The following PFKFB3 variants were observed in gnomAD, a reference collection of about 807,000 sequenced individuals.
The protein encoded by PFKFB3 is 6-phosphofructo-2-kinase/fructose-2,6-bisphosphatase 3.
A neutral mutation model predicts 68.0 loss-of-function variants in PFKFB3; 33 were observed. The observed-to-expected ratio is 0.49, with a 90% confidence interval of 0.37 to 0.65. The LOEUF is 0.65. Ranked by LOEUF, PFKFB3 falls within the 30% of genes least tolerant of loss-of-function variation. PFKFB3 has a pLI of 0.00. For missense variants in PFKFB3, 586 were observed against 712.2 expected, an observed-to-expected ratio of 0.82 and a Z score of 2.02; for synonymous variants, 315 against 288.2, an observed-to-expected ratio of 1.09 and a Z score of -0.94.
intron 1 of PFKFB3, among the ~76,000 whole-genome samples, chr10:6,166,737 A>G (rs1264058976): frequency 6.6e-6 from 1 of 151,970 alleles, no homozygotes; most frequent in Non-Finnish European, 1.5e-5. Flanking sequence ...TGCTAGAAGA[A>G]TAATCATGAC....
At chr10:6,161,115 T>G (rs1358687402) in intron 1 of PFKFB3, among the ~76,000 whole-genome samples, 3 of 152,114 alleles carry the variant, frequency 2.0e-5, no homozygotes, top group Non-Finnish European at 4.4e-5. Flanking sequence ...TTTGTATTTT[T>G]AGTAGAGACG....
At chr10:6,317,638 G>A in the PFKFB3 span, among the ~76,000 whole-genome samples, 1 of 152,178 alleles carries the variant, frequency 6.6e-6, no homozygotes, top group Non-Finnish European at 1.5e-5. Context: ...AGCAGGAAAA[G>A]GGGCATTTCA....
In PFKFB3 at chr10:6,234,248, T is replaced by C. The variant is rs1040065094; in HGVS notation, c.*1306T>C. 1 of 152,362 alleles carries C rather than the reference T, an allele frequency of 6.6e-6. No homozygotes were observed. The highest frequency in any genetic ancestry group is 2.4e-5 in the African/African-American group (1 of 41,448). 9.4% of individuals were successfully genotyped at this position (152,362 alleles called of 1,614,324 possible). On this transcript the variant is annotated 3_prime_UTR_variant, in exon 15 of 15. Coordinates refer to ENST00000379775, the MANE Select transcript of PFKFB3 (RefSeq NM_004566.4). Reference sequence around the variant, plus strand: ...ACCCTTTTCAGGATGTCTCAAAGCTTGTGCCAAAGGTCACTTTTCTTTCCT... The same window carrying C: ...ACCCTTTTCAGGATGTCTCAAAGCTCGTGCCAAAGGTCACTTTTCTTTCCT...
In PFKFB3 at chr10:6,190,100, C is replaced by T. The variant is rs554682448; in HGVS notation, c.17-23523C>T. Among the ~76,000 whole-genome samples, 4 of 151,546 alleles carry T rather than the reference C, an allele frequency of 2.6e-5. No homozygotes were observed. The South Asian group carries it at 8.4e-4, about 32-fold the overall frequency. ...CTGGGATTACAGGCACCCATGACCACGCCCAGCTAATTTTTGTGTTTTTAG... is the reference window on the plus strand; with the variant it reads ...CTGGGATTACAGGCACCCATGACCATGCCCAGCTAATTTTTGTGTTTTTAG... On this transcript the variant is annotated intron_variant, in intron 1 of 14. Coordinates refer to the PFKFB3 transcript ENST00000379789.
chr10:6,224,049 C>G (rs1386234594), intron 12 of PFKFB3, 29 bp downstream of exon 12: 1 of 1,613,524 alleles, frequency 6.2e-7, no homozygotes, highest in Admixed American at 1.7e-5. Context: ...CAAGCCCTGT[C>G]CCCCTGAAGG....
chr10:6,260,115 T>TA, the PFKFB3 span, among the ~76,000 whole-genome samples: 1 of 152,040 alleles, frequency 6.6e-6, no homozygotes, highest in Non-Finnish European at 1.5e-5. Context: ...ACAATGAGGT[T>TA]AAAAAATTCA....
In PFKFB3 at chr10:6,173,141, C is replaced by G. The variant is rs1278350018; in HGVS notation, c.16+28128C>G. On this transcript the variant is annotated intron_variant, in intron 1 of 14. Transcript: ENST00000379789. ...CTACTTCGGGAACTCTCCTTCACCA[C>G]TCACCTCACACCCTTCCTCCAGGAA... Among the ~76,000 whole-genome samples, 3 of 152,220 alleles carry G rather than the reference C, an allele frequency of 2.0e-5. No individual in the cohort carries two copies. In the East Asian group the frequency reaches 5.8e-4, roughly 29 times the overall value.
At chr10:6,226,534 C>T in intron 14 of PFKFB3, 169 bp downstream of exon 14, 1 of 613,074 alleles carries the variant, frequency 1.6e-6, no homozygotes, top group African/African-American at 1.9e-5. Context: ...GGCATGTGCA[C>T]ACACTCACGT....
chr10:6,231,540 C>T, intron 14 of PFKFB3: 1 of 985,446 alleles, frequency 1.0e-6, no homozygotes, highest in Non-Finnish European at 1.2e-6. Context: ...CTTGCAGGCT[C>T]TCCACTGTTA....
rs549712646 is a variant in PFKFB3, at chr10:6,228,944, G to A, written c.1515+2579G>A. ...TGGCAGCCACTGGGTAGCTGGGGCT[G>A]TGTTCCCACTGCTCTGGGATCCCTT... is the stretch of plus-strand genomic sequence containing the variant. On this transcript the variant is annotated intron_variant, in intron 14 of 14. Transcript: ENST00000379775. This position sits in a 1 kb window ranked among gnomAD's most constrained non-coding sequence, Gnocchi z 4.5. Among the ~76,000 whole-genome samples, 1 of 152,322 alleles carries A rather than the reference G, an allele frequency of 6.6e-6. No homozygotes were observed. The highest frequency in any genetic ancestry group is 1.9e-4 in the East Asian group (1 of 5,178).
intron 14 of PFKFB3, among the ~76,000 whole-genome samples, chr10:6,249,675 A>G (rs1846333864): frequency 6.6e-6 from 1 of 152,210 alleles, no homozygotes. Flanking sequence ...TGGTGTTTAC[A>G]GAGGCTGGAG....
Position 6,172,224 on chromosome 10 carries a change from C to T in PFKFB3, c.16+27211C>T, listed in dbSNP as rs528734018. Among the ~76,000 whole-genome samples, 8 of 152,332 alleles carry T rather than the reference C, an allele frequency of 5.3e-5. No homozygotes were observed. In the South Asian group the frequency reaches 1.7e-3, roughly 32 times the overall value. On this transcript the variant is annotated intron_variant, in intron 1 of 14. Coordinates refer to the PFKFB3 transcript ENST00000379789. Reference sequence around the variant, plus strand: ...TCTTGGTCCCATGGCTTCTGCAGCCCACGTCGGGAGGGCAAGGTGTGGTGC... The same window carrying T: ...TCTTGGTCCCATGGCTTCTGCAGCCTACGTCGGGAGGGCAAGGTGTGGTGC...
intron 1 of PFKFB3, chr10:6,146,589 A>C (rs1841396924): frequency 1.6e-6 from 2 of 1,242,372 alleles, no homozygotes; most frequent in Non-Finnish European, 2.2e-6. Context: ...ACAATCATTT[A>C]TCTCTGACTT....
chr10:6,286,742 T>C, the PFKFB3 span, among the ~76,000 whole-genome samples: 1 of 152,228 alleles, frequency 6.6e-6, no homozygotes, highest in South Asian at 2.1e-4. Context: ...TTATAGTGGG[T>C]TTAATATCTA....
the PFKFB3 span, among the ~76,000 whole-genome samples, chr10:6,309,764 A>G: frequency 6.6e-6 from 1 of 152,114 alleles, no homozygotes; most frequent in Admixed American, 6.5e-5. Context: ...AATGGGGGAG[A>G]GGACAGTGTA....
At chr10:6,283,865 C>T in the PFKFB3 span, among the ~76,000 whole-genome samples, 1 of 152,072 alleles carries the variant, frequency 6.6e-6, no homozygotes. Context: ...GACCCTGGTG[C>T]CACCCCATGG....
At chr10:6,324,641 G>T in the PFKFB3 span, among the ~76,000 whole-genome samples, 2 of 152,048 alleles carry the variant, frequency 1.3e-5, no homozygotes, top group African/African-American at 4.8e-5. Context: ...TGTTGGCCAG[G>T]CTGGTCTCGA....
chr10:6,325,741 G>C, the PFKFB3 span, among the ~76,000 whole-genome samples: 1 of 152,326 alleles, frequency 6.6e-6, no homozygotes, highest in South Asian at 2.1e-4. Context: ...ATCCTTCTAA[G>C]AGAATGATCA....
chr10:6,269,459 A>G, the PFKFB3 span, among the ~76,000 whole-genome samples: 1 of 152,176 alleles, frequency 6.6e-6, no homozygotes, highest in Admixed American at 6.5e-5. Context: ...GCACCTGGAT[A>G]GGATGATTTG....
Sources: gnomAD v4.1 joint callset for allele counts (sites outside exome capture counted in the v4.1 genomes callset) on GRCh38, gnomAD v4.1.1 for gene constraint, Gnocchi (gnomAD v3.1) non-coding constraint, MANE v1.5 for transcripts, NCBI Gene and HGNC (gene_info 2026-07-23, HGNC 2026-07-21) for gene names.